ASAP1: variants seen among roughly 807,000 people sequenced by gnomAD.
ASAP1 encodes the protein ArfGAP with SH3 domain, ankyrin repeat and PH domain 1.
A neutral mutation model predicts 145.2 loss-of-function variants in ASAP1; 43 were observed. The observed-to-expected ratio is 0.30, with a 90% CI of 0.23 to 0.38. ASAP1 has a LOEUF of 0.38. Ranked by LOEUF, ASAP1 falls within the 10% of genes least tolerant of loss-of-function variation. The probability of loss-of-function intolerance (pLI) is 1.00; values close to 1 mark genes in which losing one functional copy is unlikely to be tolerated. For synonymous variants in ASAP1, 546 were observed against 515.5 expected (o/e 1.06, Z -0.80); for missense variants, 1,018 against 1,355.3 (o/e 0.75, Z 3.91).
At chr8:130,200,338 G>A (rs965503702) in intron 5 of ASAP1, among the ~76,000 whole-genome samples, 2 of 152,150 alleles carry the variant, frequency 1.3e-5, no homozygotes, top group Non-Finnish European at 2.9e-5. Context: ...TCTGGGTTCT[G>A]CAGACCCCTC....
chr8:130,418,935 C>T (rs912814608), intron 1 of ASAP1, among the ~76,000 whole-genome samples: 9 of 152,038 alleles, frequency 5.9e-5, no homozygotes, highest in African/African-American at 2.2e-4. Flanking sequence ...ATCCCTTCAG[C>T]GACATGGGCC....
intron 1 of ASAP1, among the ~76,000 whole-genome samples, chr8:130,407,419 T>C (rs996917235): frequency 6.6e-6 from 1 of 152,232 alleles, no homozygotes; most frequent in African/African-American, 2.4e-5. Flanking sequence ...GAATGGGCAC[T>C]GTCTGCAGTG....
At chr8:130,061,376 A>C (rs2097419194) in intron 27 of ASAP1, among the ~76,000 whole-genome samples, 1 of 152,246 alleles carries the variant, frequency 6.6e-6, no homozygotes, top group Admixed American at 6.5e-5. Flanking sequence ...TCTTAAGCCT[A>C]ACACCTAAAT....
intron 5 of ASAP1, among the ~76,000 whole-genome samples, chr8:130,199,427 AG>A (rs1384234439): frequency 2.6e-5 from 4 of 152,202 alleles, no homozygotes; most frequent in Non-Finnish European, 4.4e-5. Flanking sequence ...GAATGGGGGA[AG>A]GGGCTAGATT....
intron 4 of ASAP1, among the ~76,000 whole-genome samples, chr8:130,236,675 ACT>A (rs1197491801): frequency 6.6e-6 from 1 of 152,048 alleles, no homozygotes; most frequent in Non-Finnish European, 1.5e-5. Flanking sequence ...TTTACTCATA[ACT>A]CTATTAAGCA....
At chr8:130,245,609 T>C (rs1818800583) in intron 3 of ASAP1, among the ~76,000 whole-genome samples, 1 of 152,150 alleles carries the variant, frequency 6.6e-6, no homozygotes, top group Non-Finnish European at 1.5e-5. Flanking sequence ...TGCATAAAAC[T>C]AGCTCGCAAA....
chr8:130,174,643 A>G (rs1476804157), intron 9 of ASAP1, among the ~76,000 whole-genome samples: 1 of 152,358 alleles, frequency 6.6e-6, no homozygotes, highest in African/African-American at 2.4e-5. Context: ...AGATTGGGCC[A>G]ATAACCAACA....
intron 2 of ASAP1, among the ~76,000 whole-genome samples, chr8:130,366,271 T>C (rs184721694): frequency 1.4e-4 from 21 of 152,346 alleles, no homozygotes; most frequent in African/African-American, 4.8e-4. Context: ...AGTATAAAGT[T>C]TGGCACACCA....
chr8:130,430,409 G>A (rs1485266453), intron 1 of ASAP1, among the ~76,000 whole-genome samples: 1 of 152,224 alleles, frequency 6.6e-6, no homozygotes, highest in African/African-American at 2.4e-5. Context: ...TTTCACAGCT[G>A]AAGAAATGAA....
intron 4 of ASAP1, among the ~76,000 whole-genome samples, chr8:130,224,583 C>G (rs1275389357): frequency 6.6e-6 from 1 of 151,858 alleles, no homozygotes; most frequent in Non-Finnish European, 1.5e-5. Context: ...GTGTTTTCAC[C>G]CCTTTCTCCC....
intron 27 of ASAP1, among the ~76,000 whole-genome samples, chr8:130,061,833 T>C (rs914127794): frequency 6.6e-6 from 1 of 152,260 alleles, no homozygotes; most frequent in Non-Finnish European, 1.5e-5. Context: ...TATGCACAGC[T>C]TAGGAAATGT....
Position 130,358,255 on chromosome 8 carries a change from G to C in ASAP1, c.60-112C>G, listed in dbSNP as rs547050885. ...AACCCCGGCGCGCAGCCCGCCACCC[G>C]CCGCCCGGCCTGGCGCGCGGCTCCC... On this transcript the variant is annotated intron_variant, in intron 2 of 29. Coordinates refer to ENST00000518721, the MANE Select transcript of ASAP1 (RefSeq NM_018482.4). The surrounding 1 kb of genome is among the most constrained non-coding windows in gnomAD (Gnocchi z 4.1). 5.7e-3 allele frequency: 4,606 copies of C among 804,376 alleles called. 17 individuals are homozygous for C. The highest frequency in any genetic ancestry group is 6.5e-3 in the Non-Finnish European group (4,121 of 636,950). 49.8% of individuals were successfully genotyped at this position (804,376 alleles called of 1,614,324 possible).
chr8:130,235,053 T>C (rs913653451), intron 4 of ASAP1, among the ~76,000 whole-genome samples: 1 of 152,116 alleles, frequency 6.6e-6, no homozygotes, highest in Non-Finnish European at 1.5e-5. Flanking sequence ...TTAGATATTA[T>C]TTTTTAAATT....
intron 3 of ASAP1, among the ~76,000 whole-genome samples, chr8:130,301,726 G>A (rs1822679169): frequency 6.6e-6 from 1 of 152,174 alleles, no homozygotes; most frequent in Non-Finnish European, 1.5e-5. Context: ...CATCCTTTCT[G>A]TGTTGTTTTA....
chr8:130,353,211 A>ATACAATCAGTATTATGT (rs1482245978), intron 3 of ASAP1, among the ~76,000 whole-genome samples: 1 of 152,180 alleles, frequency 6.6e-6, no homozygotes, highest in Non-Finnish European at 1.5e-5. Context: ...AATCTGGATA[A>ATACAATCAGTATTATGT]CCCCAATACC....
At chr8:130,263,654 G>A (rs1015522497) in intron 3 of ASAP1, among the ~76,000 whole-genome samples, 1 of 152,146 alleles carries the variant, frequency 6.6e-6, no homozygotes, top group Non-Finnish European at 1.5e-5. Flanking sequence ...CCTATGAAGT[G>A]AGTATTATTA....
At chr8:130,074,236 G>A (rs865870708) in intron 27 of ASAP1, among the ~76,000 whole-genome samples, 3 of 151,996 alleles carry the variant, frequency 2.0e-5, no homozygotes, top group Admixed American at 6.6e-5. Flanking sequence ...ATAGAATTGC[G>A]TATGTATGAA....
At chr8:130,353,580 A>G (rs1056895353) in intron 3 of ASAP1, among the ~76,000 whole-genome samples, 2 of 152,222 alleles carry the variant, frequency 1.3e-5, no homozygotes, top group African/African-American at 4.8e-5. Flanking sequence ...TAAGATTTCT[A>G]AACTCTGGGC....
At chr8:130,420,893 C>CAAAAAAAA (rs76745841) in intron 1 of ASAP1, among the ~76,000 whole-genome samples, 1 of 95,000 alleles carries the variant, frequency 1.1e-5, no homozygotes. Flanking sequence ...AACTCCAACT[C>CAAAAAAAA]AAAAAAAAAA....
Sources: gnomAD v4.1 joint callset for allele counts (sites outside exome capture counted in the v4.1 genomes callset) on GRCh38, gnomAD v4.1.1 for gene constraint, Gnocchi (gnomAD v3.1) non-coding constraint, MANE v1.5 for transcripts, NCBI Gene and HGNC (gene_info 2026-07-23, HGNC 2026-07-21) for gene names.